The following MACROD2 variants were observed in gnomAD, a reference collection of about 807,000 sequenced individuals.
MACROD2 encodes ADP-ribose glycohydrolase MACROD2.
A neutral mutation model predicts 70.4 loss-of-function variants in MACROD2; 36 were observed. The observed-to-expected ratio is 0.51, with a 90% CI of 0.39 to 0.68. MACROD2 has a LOEUF of 0.68. MACROD2 is among the 30% of genes least tolerant of loss of function. The pLI is 0.00. For synonymous variants in MACROD2, 172 were observed against 178.8 expected, an observed-to-expected ratio of 0.96 and a Z score of 0.30; for missense variants, 496 against 538.4, an observed-to-expected ratio of 0.92 and a Z score of 0.78.
chr20:15,964,148 T>C (rs2066104626), intron 12 of MACROD2, among the ~76,000 whole-genome samples: 1 of 152,238 alleles, frequency 6.6e-6, no homozygotes, highest in South Asian at 2.1e-4. Flanking sequence ...AAGAGTTGTA[T>C]ATGCAACTAC....
At chr20:15,345,022 T>C (rs757201036) in intron 6 of MACROD2, among the ~76,000 whole-genome samples, 2 of 152,168 alleles carry the variant, frequency 1.3e-5, no homozygotes, top group Non-Finnish European at 2.9e-5. Flanking sequence ...CTTTTCTGAG[T>C]TGCAGACTGC....
At chr20:15,705,473 G>A (rs1055504569) in intron 8 of MACROD2, among the ~76,000 whole-genome samples, 5 of 152,074 alleles carry the variant, frequency 3.3e-5, no homozygotes, top group Non-Finnish European at 7.4e-5. Flanking sequence ...AGGCTGGAGG[G>A]CAATGGTGCG....
At chr20:14,469,068 G>GT (rs976997816) in intron 3 of MACROD2, among the ~76,000 whole-genome samples, 1 of 152,044 alleles carries the variant, frequency 6.6e-6, no homozygotes, top group Non-Finnish European at 1.5e-5. Flanking sequence ...GCTGGTATCG[G>GT]TTTTTTCTTT....
chr20:15,660,656 G>A (rs1297760296), intron 8 of MACROD2, among the ~76,000 whole-genome samples: 2 of 151,992 alleles, frequency 1.3e-5, no homozygotes, highest in Non-Finnish European at 2.9e-5. Flanking sequence ...TACACTTCCT[G>A]CTGGGAAAAT....
chr20:14,059,960 A>T (rs1459992534), intron 2 of MACROD2, among the ~76,000 whole-genome samples: 1 of 152,160 alleles, frequency 6.6e-6, no homozygotes, highest in Non-Finnish European at 1.5e-5. Context: ...AGGGAACAGC[A>T]TTTAGGGTAG....
chr20:14,706,370 T>G (rs2071271029), intron 5 of MACROD2, among the ~76,000 whole-genome samples: 1 of 151,854 alleles, frequency 6.6e-6, no homozygotes, highest in African/African-American at 2.4e-5. Flanking sequence ...GAGTTTATGG[T>G]TTTCTCCAGC....
chr20:16,041,180 T>A lies in MACROD2; in HGVS notation c.1154-21T>A, dbSNP rs1005990715. The A allele has an allele frequency of 1.0e-5, 16 of 1,605,208 alleles. No homozygotes were observed. The East Asian group carries it at 3.6e-4, about 36-fold the overall frequency. On this transcript the variant is annotated intron_variant, in intron 15 of 17. Transcript: ENST00000684519. ...TTATAATTCTCTATTCATCAGGGAC[T>A]GTGGTCTTTTTCTCTTCCAGCTCCA... is the stretch of plus-strand genomic sequence containing the variant.
At chr20:14,502,918 C>T (rs964864183) in intron 4 of MACROD2, among the ~76,000 whole-genome samples, 5 of 152,066 alleles carry the variant, frequency 3.3e-5, no homozygotes, top group South Asian at 2.1e-4. Context: ...CATAAGGAAG[C>T]GTCTTTCAAG....
At chr20:16,031,269 A>G (rs1012357692) in intron 15 of MACROD2, among the ~76,000 whole-genome samples, 1 of 152,200 alleles carries the variant, frequency 6.6e-6, no homozygotes, top group Non-Finnish European at 1.5e-5. Flanking sequence ...TTTCACTCGT[A>G]ATGTAAATCA....
chr20:15,756,949 G>A (rs868010080), intron 8 of MACROD2, among the ~76,000 whole-genome samples: 24 of 152,264 alleles, frequency 1.6e-4, no homozygotes, highest in Admixed American at 7.2e-4. Context: ...ATGCAAGCAG[G>A]CTTCCGAATT....
intron 3 of MACROD2, among the ~76,000 whole-genome samples, chr20:14,171,794 T>C (rs1360300736): frequency 6.6e-6 from 1 of 152,204 alleles, no homozygotes; most frequent in Non-Finnish European, 1.5e-5. Flanking sequence ...TGCTGATGAA[T>C]AGAATGTATA....
chr20:15,290,305 A>C (rs887305910), intron 6 of MACROD2, among the ~76,000 whole-genome samples: 6 of 152,214 alleles, frequency 3.9e-5, no homozygotes, highest in African/African-American at 1.4e-4. Flanking sequence ...AATAAGCATT[A>C]TTTATCTCAA....
chr20:14,464,736 C>G (rs913353355), intron 3 of MACROD2, among the ~76,000 whole-genome samples: 1 of 151,844 alleles, frequency 6.6e-6, no homozygotes, highest in African/African-American at 2.4e-5. Flanking sequence ...TATGTTGTGT[C>G]TTTGTTCTCG....
At chr20:14,268,980 C>T (rs559961710) in intron 3 of MACROD2, among the ~76,000 whole-genome samples, 6 of 152,026 alleles carry the variant, frequency 3.9e-5, no homozygotes, top group African/African-American at 7.2e-5. Flanking sequence ...TGTGTGTTGG[C>T]GTAATAACAC....
chr20:14,679,724 C>T (rs1401327953), intron 4 of MACROD2, among the ~76,000 whole-genome samples: 1 of 130,418 alleles, frequency 7.7e-6, no homozygotes, highest in African/African-American at 3.3e-5. Context: ...TTACCATTGC[C>T]CTTTTCTCCC....
chr20:14,735,717 G>T (rs952154385), intron 5 of MACROD2, among the ~76,000 whole-genome samples: 11 of 152,000 alleles, frequency 7.2e-5, no homozygotes, highest in African/African-American at 2.7e-4. Context: ...GGACATGATG[G>T]TGCATGCCTG....
chr20:14,125,879 G>T (rs1453554907), intron 3 of MACROD2, among the ~76,000 whole-genome samples: 2 of 152,142 alleles, frequency 1.3e-5, no homozygotes, highest in Non-Finnish European at 2.9e-5. Context: ...GGACTGGATT[G>T]GATTAGATTG....
intron 3 of MACROD2, among the ~76,000 whole-genome samples, chr20:14,245,078 G>T (rs942658189): frequency 6.6e-6 from 1 of 152,108 alleles, no homozygotes; most frequent in Non-Finnish European, 1.5e-5. Context: ...AGTTTCATAT[G>T]CCTAGGCCGG....
chr20:14,075,223 TTG>T (rs2053902198), intron 2 of MACROD2, among the ~76,000 whole-genome samples: 1 of 152,112 alleles, frequency 6.6e-6, no homozygotes, highest in Non-Finnish European at 1.5e-5. Context: ...ATGCGTGAAA[TTG>T]TGAAAAAGGA....
Sources: gnomAD v4.1 joint callset for allele counts (sites outside exome capture counted in the v4.1 genomes callset) on GRCh38, gnomAD v4.1.1 for gene constraint, MANE v1.5 for transcripts, NCBI Gene and HGNC (gene_info 2026-07-23, HGNC 2026-07-21) for gene names.